CCSER1: variants seen among roughly 807,000 people sequenced by gnomAD.
CCSER1 encodes the protein serine-rich coiled-coil domain-containing protein 1.
A neutral mutation model predicts 82.0 loss-of-function variants in CCSER1; 41 were observed. The observed-to-expected ratio is 0.50, with a 90% CI of 0.39 to 0.65. CCSER1 has a LOEUF of 0.65. Among genes scored for constraint, CCSER1 ranks in the 30% least tolerant of loss-of-function variants. The pLI, the probability that CCSER1 is intolerant of heterozygous loss-of-function variation, is 0.00. For synonymous variants in CCSER1, 414 were observed against 383.9 expected, an observed-to-expected ratio of 1.08 and a Z score of -0.92; for missense variants, 1,119 against 1,064.2, an observed-to-expected ratio of 1.05 and a Z score of -0.72.
chr4:91,508,942 T>C, intron 10 of CCSER1, among the ~76,000 whole-genome samples: 1 of 152,050 alleles, frequency 6.6e-6, no homozygotes, highest in Non-Finnish European at 1.5e-5. Flanking sequence ...TTTATTGTCA[T>C]GCCCCCTTTT....
At chr4:90,732,056 T>TCTCACTCA (rs1553999837) in intron 7 of CCSER1, among the ~76,000 whole-genome samples, 2 of 144,710 alleles carry the variant, frequency 1.4e-5, no homozygotes, top group African/African-American at 5.0e-5. Flanking sequence ...TCTCTCTCTC[T>TCTCACTCA]CTCTCACTGC....
intron 9 of CCSER1, among the ~76,000 whole-genome samples, chr4:91,029,545 CG>C (rs539030278): frequency 1.3e-5 from 2 of 152,040 alleles, no homozygotes; most frequent in Non-Finnish European, 2.9e-5. Context: ...ATTTTAAAAA[CG>C]GGTGTGTCCA....
At chr4:91,575,056 C>G (rs1016630604) in intron 10 of CCSER1, among the ~76,000 whole-genome samples, 3 of 151,790 alleles carry the variant, frequency 2.0e-5, no homozygotes, top group Middle Eastern at 3.2e-3. Flanking sequence ...CAGAAATAAA[C>G]TCATGTATAT....
chr4:91,444,331 A>G (rs2149410628), intron 10 of CCSER1, among the ~76,000 whole-genome samples: 1 of 152,336 alleles, frequency 6.6e-6, no homozygotes, highest in East Asian at 1.9e-4. Flanking sequence ...ACTACTGCAT[A>G]TTTTATACAA....
chr4:90,642,881 G>A (rs1032050348), intron 6 of CCSER1, among the ~76,000 whole-genome samples: 12 of 130,354 alleles, frequency 9.2e-5, no homozygotes, highest in Non-Finnish European at 1.6e-4. Context: ...ATACATACAT[G>A]CATTATTTTC....
intron 1 of CCSER1, among the ~76,000 whole-genome samples, chr4:90,260,271 T>C (rs570328708): frequency 4.4e-4 from 67 of 152,202 alleles, no homozygotes; most frequent in Non-Finnish European, 8.4e-4. Flanking sequence ...CATAGTAGAC[T>C]TCAGTGAACT....
At chr4:90,569,170 CAT>C (rs1008600908) in intron 5 of CCSER1, among the ~76,000 whole-genome samples, 3 of 151,822 alleles carry the variant, frequency 2.0e-5, no homozygotes, top group Admixed American at 1.3e-4. Context: ...CTTACAAAAA[CAT>C]ATAACTGGTT....
intron 1 of CCSER1, among the ~76,000 whole-genome samples, chr4:90,240,694 G>C (rs1285696948): frequency 6.6e-6 from 1 of 152,216 alleles, no homozygotes; most frequent in African/African-American, 2.4e-5. Flanking sequence ...ACATTTAGGT[G>C]CTGGTTATAG....
intron 6 of CCSER1, among the ~76,000 whole-genome samples, chr4:90,706,785 T>C (rs1739438671): frequency 6.6e-6 from 1 of 152,218 alleles, no homozygotes; most frequent in African/African-American, 2.4e-5. Flanking sequence ...CTTATGTAGT[T>C]TTTATTGTAA....
At chr4:91,500,098 A>C (rs552619049) in intron 10 of CCSER1, among the ~76,000 whole-genome samples, 4 of 152,088 alleles carry the variant, frequency 2.6e-5, no homozygotes, top group African/African-American at 9.7e-5. Context: ...CCAGCATTGA[A>C]TAAGAGGTCC....
intron 10 of CCSER1, among the ~76,000 whole-genome samples, chr4:91,197,534 T>G (rs2149060824): frequency 6.6e-6 from 1 of 152,348 alleles, no homozygotes; most frequent in East Asian, 1.9e-4. Context: ...TGTTTAAATT[T>G]AAAAGCTGAA....
At chr4:91,167,651 C>G (rs1732239967) in intron 10 of CCSER1, among the ~76,000 whole-genome samples, 1 of 152,070 alleles carries the variant, frequency 6.6e-6, no homozygotes, top group South Asian at 2.1e-4. Context: ...CAACTGTTTG[C>G]TTAATGTTTA....
intron 10 of CCSER1, among the ~76,000 whole-genome samples, chr4:91,473,047 G>A (rs991463671): frequency 1.7e-5 from 2 of 120,458 alleles, no homozygotes; most frequent in African/African-American, 6.3e-5. Flanking sequence ...AATTCCAAAT[G>A]ATATTTCATA....
intron 10 of CCSER1, among the ~76,000 whole-genome samples, chr4:91,157,878 C>G (rs964090969): frequency 6.6e-6 from 1 of 151,914 alleles, no homozygotes; most frequent in African/African-American, 2.4e-5. Context: ...AGAGAATAGG[C>G]AAAGGAGATC....
At chr4:91,024,258 C>G (rs1031536459) in intron 9 of CCSER1, among the ~76,000 whole-genome samples, 6 of 152,058 alleles carry the variant, frequency 3.9e-5, no homozygotes, top group African/African-American at 1.4e-4. Flanking sequence ...AGTTTAGAAA[C>G]TGAAAGTAAG....
At chr4:91,538,017 C>T (rs1186470880) in intron 10 of CCSER1, among the ~76,000 whole-genome samples, 1 of 151,972 alleles carries the variant, frequency 6.6e-6, no homozygotes, top group Non-Finnish European at 1.5e-5. Context: ...CAGATAGACA[C>T]TAATTATGTT....
chr4:90,208,002 G>T (rs1044558963), intron 1 of CCSER1, among the ~76,000 whole-genome samples: 5 of 152,190 alleles, frequency 3.3e-5, no homozygotes, highest in African/African-American at 9.7e-5. Context: ...GAAGCAATCT[G>T]TCCCTTAGCA....
chr4:90,509,944 A>AT (rs1050201499), intron 5 of CCSER1, among the ~76,000 whole-genome samples: 64 of 152,278 alleles, frequency 4.2e-4, no homozygotes, highest in African/African-American at 1.5e-3. Context: ...TCATAACTAA[A>AT]TTTTTATGGG....
At chr4:90,230,950 T>C (rs917544833) in intron 1 of CCSER1, among the ~76,000 whole-genome samples, 1 of 152,062 alleles carries the variant, frequency 6.6e-6, no homozygotes, top group Non-Finnish European at 1.5e-5. Context: ...AATAGACCAA[T>C]AACAGGATCT....
Sources: gnomAD v4.1 joint callset for allele counts (sites outside exome capture counted in the v4.1 genomes callset) on GRCh38, gnomAD v4.1.1 for gene constraint, MANE v1.5 for transcripts, NCBI Gene and HGNC (gene_info 2026-07-23, HGNC 2026-07-21) for gene names.